Variants in PELP1 observed in about 807,000 individuals in gnomAD.
PELP1 encodes the protein proline-, glutamic acid- and leucine-rich protein 1.
PELP1 carries 32 observed loss-of-function variants against 95.5 expected under a neutral mutation model. The ratio of observed to expected loss-of-function variants is 0.34; its 90% CI spans 0.25 to 0.45. The LOEUF is 0.45. PELP1 is among the 20% of genes least tolerant of loss of function. PELP1 has a pLI of 1.00. For synonymous variants in PELP1, 668 were observed against 600.1 expected (o/e 1.11, Z -1.65); for missense variants, 1,358 against 1,444.8 (o/e 0.94, Z 0.97).
intron 1 of PELP1, among the ~76,000 whole-genome samples, chr17:4,701,310 A>C (rs1057053835): frequency 2.4e-5 from 3 of 123,372 alleles, no homozygotes; most frequent in African/African-American, 1.0e-4. Flanking sequence ...AAGACTGGGA[A>C]GGAGGATGAG....
chr17:4,671,894 A>G lies in PELP1; in HGVS notation c.3097T>C (p.Ser1033Pro). 1.3e-6 allele frequency: 2 copies of G among 1,513,186 alleles called. No homozygotes were observed. Among genetic ancestry groups the G allele is most frequent in the Non-Finnish European group, 1.8e-6 (2 of 1,134,374 alleles). The allele number at this position is 1,513,186 out of a possible 1,614,324, so 93.7% of individuals were successfully genotyped here. A position where few individuals can be genotyped will look rare whatever the true frequency, so the allele number is the denominator to read the frequency against. The change falls in exon 16 of 17, where the codon TCC becomes CCC. Residue 1033 changes from serine to proline, a missense_variant. Physicochemically the swap from Ser to Pro is moderately conservative, Grantham distance 74. Around this residue, in one of 7 missense-constraint regions of PELP1, gnomAD observed 283 missense variants for 284.1 expected, o/e 1.00. Transcript: ENST00000572293. Reference sequence around the variant, plus strand: ...CCTTCCCTCTCCACCTCTCCCTGGGAGGGGAGCGCTTCAGGGGCCAGGGTG... The same window carrying G: ...CCTTCCCTCTCCACCTCTCCCTGGGGGGGGAGCGCTTCAGGGGCCAGGGTG... The part of the protein sequence containing the change: ...APTLAPEALP[S>P]QGEVEREGES...
At chr17:4,684,750 A>G (rs1006469344) in intron 3 of PELP1, among the ~76,000 whole-genome samples, 4 of 152,156 alleles carry the variant, frequency 2.6e-5, no homozygotes, top group Non-Finnish European at 5.9e-5. Flanking sequence ...GCTGGAGTGC[A>G]GTGGTGTGAT....
In PELP1 at chr17:4,674,049, T is replaced by C. The variant is rs78224865; in HGVS notation, c.1583-375A>G. Among the ~76,000 whole-genome samples, 174 of 152,260 alleles carry C rather than the reference T, an allele frequency of 1.1e-3. 3 individuals are homozygous for C. In the East Asian group the frequency reaches 0.032, roughly 28 times the overall value. On this transcript the variant is annotated intron_variant, in intron 13 of 16. Coordinates refer to ENST00000572293, the MANE Select transcript of PELP1 (RefSeq NM_014389.3). ...CCTGTGGACAGGTCAGTGGTTACGGTGAGAGCAGGGAGCTCCCCCAGGCAG... is the reference window on the plus strand; with the variant it reads ...CCTGTGGACAGGTCAGTGGTTACGGCGAGAGCAGGGAGCTCCCCCAGGCAG...
intron 5 of PELP1, among the ~76,000 whole-genome samples, chr17:4,681,268 T>C (rs1485352396): frequency 6.6e-6 from 1 of 152,024 alleles, no homozygotes; most frequent in Non-Finnish European, 1.5e-5. Context: ...GAGGATCACG[T>C]GGGGCCAGGA....
Position 4,672,957 on chromosome 17 carries a change from G to A in PELP1, c.2034C>T (p.Pro678=), listed in dbSNP as rs752154570. 1.1e-5 allele frequency: 17 copies of A among 1,582,054 alleles called. No homozygotes were observed. The highest frequency in any genetic ancestry group is 3.4e-5 in the Admixed American group (2 of 58,074). ...PGPMPSVGSM[P]SAGPMPSAGP... ...CTGCTGAAGGCATGGGGCCTGCTGA[G>A]GGCATGGAGCCCACTGAGGGCATGG... is the stretch of plus-strand genomic sequence containing the variant. The change falls in exon 16 of 17, where the codon CCC becomes CCT. Residue 678 remains proline (P), a synonymous_variant. Transcript: ENST00000572293.
In PELP1 at chr17:4,675,944, C is replaced by T. The variant is rs1489334571; in HGVS notation, c.981-60G>A. On this transcript the variant is annotated intron_variant, in intron 8 of 16. Coordinates refer to ENST00000572293, the MANE Select transcript of PELP1 (RefSeq NM_014389.3). This position sits in a 1 kb window ranked among gnomAD's most constrained non-coding sequence, Gnocchi z 4.3. ...AGGCTCCCTGGCATAACTCCCACAC[C>T]CACCTTCATCTCCTTTCTCCTGATG... is the stretch of plus-strand genomic sequence containing the variant. 1.9e-6 allele frequency: 3 copies of T among 1,586,918 alleles called. No homozygotes were observed. Among genetic ancestry groups the T allele is most frequent in the Non-Finnish European group, 2.6e-6 (3 of 1,162,084 alleles).
intron 3 of PELP1, among the ~76,000 whole-genome samples, chr17:4,689,606 T>C (rs1913021582): frequency 6.6e-6 from 1 of 152,324 alleles, no homozygotes; most frequent in Non-Finnish European, 1.5e-5. Flanking sequence ...CTACTGGACA[T>C]CTACCAGAGG....
In PELP1 at chr17:4,671,354, C is replaced by A; in HGVS notation, c.*85G>T. On this transcript the variant is annotated 3_prime_UTR_variant, in exon 17 of 17. Coordinates refer to ENST00000572293, the MANE Select transcript of PELP1 (RefSeq NM_014389.3). ...AGACACTTGAGCTTCTGGCTGGGGACCCAGGTGTGGCAAAAGGCAGAAGCA... is the reference window on the plus strand; with the variant it reads ...AGACACTTGAGCTTCTGGCTGGGGAACCAGGTGTGGCAAAAGGCAGAAGCA... The A allele has an allele frequency of 2.5e-6, 2 of 792,030 alleles. No homozygotes were observed. Among genetic ancestry groups the A allele is most frequent in the Admixed American group, 2.0e-5 (1 of 50,104 alleles). 49.1% of individuals were successfully genotyped at this position (792,030 alleles called of 1,614,324 possible). A position where few individuals can be genotyped will look rare whatever the true frequency, so the allele number is the denominator to read the frequency against.
chr17:4,672,913 C>T lies in PELP1; in HGVS notation c.2078G>A (p.Gly693Asp), dbSNP rs766054972. 10 of 1,612,512 alleles carry T rather than the reference C, an allele frequency of 6.2e-6. No homozygotes were observed. The South Asian group carries it at 8.8e-5, about 14-fold the overall frequency. Residue 693 changes from glycine to aspartate, a missense_variant, in exon 16 of 17, where the codon GGC becomes GAC. Transcript: ENST00000572293. ...TCCAGGGCGTGCCGAGGGCACAGGG[C>T]CTGCTGAGGGCATGGGGCCTGCTGA... ...MPSAGPMPSAGPVPSARPGPP... is the reference protein window; with the variant it reads ...MPSAGPMPSADPVPSARPGPP...
chr17:4,678,845 G>A (rs1303627537), intron 5 of PELP1, among the ~76,000 whole-genome samples: 1 of 152,128 alleles, frequency 6.6e-6, no homozygotes, highest in African/African-American at 2.4e-5. Flanking sequence ...AGTATCCGGG[G>A]AATGTAACAG....
chr17:4,683,880 C>A (rs1912811485), intron 3 of PELP1, among the ~76,000 whole-genome samples: 1 of 130,418 alleles, frequency 7.7e-6, no homozygotes, highest in Non-Finnish European at 1.6e-5. Flanking sequence ...ACTCTGTCAT[C>A]CAGGCTGGAG....
intron 1 of PELP1, among the ~76,000 whole-genome samples, chr17:4,693,251 G>C (rs972314665): frequency 3.9e-5 from 6 of 152,148 alleles, no homozygotes; most frequent in African/African-American, 1.2e-4. Context: ...GTTCACAGCA[G>C]CATCATTCAT....
rs762848321 is a variant in PELP1 at position 4,682,866 on chromosome 17, G to A, written c.507C>T (p.Phe169=). The part of the protein sequence containing the change: ...LRYAAQLPAL[F]RDISMNHLPG... ...GGAGGTGGTTCATGGAGATGTCCCG[G>A]AACAGTGCAGGCAGCTGGGCTGCAT... is the stretch of plus-strand genomic sequence containing the variant. The change falls in exon 4 of 17, where the codon TTC becomes TTT. Residue 169 remains phenylalanine (F), a synonymous_variant. Transcript: ENST00000572293. 10 of 1,602,482 alleles carry A rather than the reference G, an allele frequency of 6.2e-6. No individual in the cohort carries two copies. Among genetic ancestry groups the A allele is most frequent in the Middle Eastern group, 1.7e-4 (1 of 6,024 alleles).
chr17:4,700,222 C>A (rs1412918050), intron 1 of PELP1, among the ~76,000 whole-genome samples: 2 of 152,058 alleles, frequency 1.3e-5, no homozygotes. Flanking sequence ...AAGTTTTGAG[C>A]CTGTATGCTG....
chr17:4,691,481 A>G, intron 1 of PELP1, 39 bp from the exon 2 acceptor site: 2 of 1,491,088 alleles, frequency 1.3e-6, no homozygotes, highest in South Asian at 2.3e-5. Context: ...CACAAACGGG[A>G]TGTTAAAAAT....
intron 12 of PELP1, 70 bp from the exon 13 acceptor site, chr17:4,674,739 G>C (rs1443442591): frequency 6.3e-7 from 1 of 1,586,898 alleles, no homozygotes; most frequent in Non-Finnish European, 8.6e-7. Flanking sequence ...AGCAGACAGT[G>C]TTTCCTGAGC....
Position 4,672,210 on chromosome 17 carries a change from CTCCTCTTCT to C in PELP1, c.2772_2780del (p.Glu928_Glu930del), listed in dbSNP as rs1275675806. 5.8e-6 allele frequency: 9 copies of C among 1,549,254 alleles called. No homozygotes were observed. In the Admixed American group the frequency reaches 5.9e-5, roughly 10 times the overall value. ...CAAATTCTTCCTCAAACTCTTCTTCCTCCTCTTCTTCCTCTTCAAAATATTCCTCTTCAT... is the reference window on the plus strand; with the variant it reads ...CAAATTCTTCCTCAAACTCTTCTTCCTCCTCTTCAAAATATTCCTCTTCAT... On this transcript the variant is annotated inframe_deletion, in exon 16 of 17. Coordinates refer to ENST00000572293, the MANE Select transcript of PELP1 (RefSeq NM_014389.3).
At chr17:4,679,284 T>C (rs1472426915) in intron 5 of PELP1, among the ~76,000 whole-genome samples, 2 of 151,988 alleles carry the variant, frequency 1.3e-5, no homozygotes, top group Non-Finnish European at 2.9e-5. Context: ...CTTAGGGAAA[T>C]AAAGGTAAGA....
intron 1 of PELP1, among the ~76,000 whole-genome samples, chr17:4,693,968 A>AT (rs1292805164): frequency 6.6e-6 from 1 of 152,192 alleles, no homozygotes; most frequent in African/African-American, 2.4e-5. Context: ...AGGCTGAGGC[A>AT]TAAGAATCAC....
Sources: allele counts gnomAD v4.1 joint callset (sites outside exome capture counted in the v4.1 genomes callset), GRCh38; gene constraint gnomAD v4.1.1; regional missense constraint gnomAD v4.1.1; non-coding constraint Gnocchi (gnomAD v3.1); transcripts MANE v1.5; gene names NCBI Gene and HGNC (gene_info 2026-07-23, HGNC 2026-07-21).